CEP89: variants seen among roughly 807,000 people sequenced by gnomAD.
The protein encoded by CEP89 is centrosomal protein 89, also known as centrosomal protein of 89 kDa.
A neutral mutation model predicts 97.6 loss-of-function variants in CEP89; 95 were observed. The observed-to-expected ratio is 0.97, with a 90% CI of 0.82 to 1.15. The LOEUF (loss-of-function observed/expected upper bound fraction) is 1.15, where lower values mean the gene tolerates loss of function less well. Among genes scored for constraint, CEP89 ranks in the 50% most tolerant of loss-of-function variants. CEP89 has a pLI of 0.00. For missense variants in CEP89, 869 were observed against 947.7 expected (o/e 0.92, Z 1.09); for synonymous variants, 354 against 349.1 (o/e 1.01, Z -0.16).
intron 6 of CEP89, among the ~76,000 whole-genome samples, chr19:32,939,637 C>T (rs1268896320): frequency 1.3e-5 from 2 of 150,824 alleles, no homozygotes; most frequent in African/African-American, 4.9e-5. Context: ...GAGATTGCGC[C>T]ACTGCACTCC....
intron 2 of CEP89, 78 bp from the exon 3 acceptor site, chr19:32,960,136 T>G: frequency 6.7e-7 from 1 of 1,487,430 alleles, no homozygotes; most frequent in Non-Finnish European, 9.3e-7. Context: ...CATAAACTCA[T>G]CAAGGCTTAC....
rs1290110895 is a variant in CEP89, at chr19:32,933,472, C to G, written c.865G>C (p.Glu289Gln). 6.2e-7 allele frequency: 1 copy of G among 1,613,894 alleles called. No homozygotes were observed. The highest frequency in any genetic ancestry group is 8.5e-7 in the Non-Finnish European group (1 of 1,179,996). The change falls in exon 8 of 19, where the codon GAG becomes CAG. Residue 289 changes from glutamate to glutamine, a missense_variant. By Grantham distance (29) the Glu-to-Gln change is conservative (BLOSUM62 2). Transcript: ENST00000305768. ...CCACCTTCCTGTGACGACGCCTTCT[C>G]AGCCTCTTTGAGCTTTCTCTTCTCT... The part of the protein sequence containing the change: ...EKEKRKLKEA[E>Q]KASSQEVAAP...
intron 12 of CEP89, 29 bp downstream of exon 12, chr19:32,923,410 C>CAAAAA: frequency 8.7e-7 from 1 of 1,145,872 alleles, no homozygotes. Flanking sequence ...TTTAAATTAG[C>CAAAAA]AAAAGAGCAG....
At chr19:32,918,977 C>T (rs561711582) in intron 12 of CEP89, among the ~76,000 whole-genome samples, 8 of 150,470 alleles carry the variant, frequency 5.3e-5, no homozygotes, top group South Asian at 2.1e-4. Context: ...CTCTGCCTCC[C>T]GGGTTCACAT....
chr19:32,916,038 G>A (rs566147686), intron 13 of CEP89, among the ~76,000 whole-genome samples: 1 of 152,198 alleles, frequency 6.6e-6, no homozygotes, highest in South Asian at 2.1e-4. Flanking sequence ...CAGCCCTTTG[G>A]GAGGCTGAGG....
intron 14 of CEP89, among the ~76,000 whole-genome samples, chr19:32,912,202 CAAA>C (rs558318035): frequency 2.0e-5 from 2 of 98,316 alleles, no homozygotes; most frequent in Non-Finnish European, 2.1e-5. Context: ...GACTCTGTCT[CAAA>C]AAAAAAAAAA....
At chr19:32,945,118 C>T (rs1970768436) in intron 5 of CEP89, among the ~76,000 whole-genome samples, 1 of 152,020 alleles carries the variant, frequency 6.6e-6, no homozygotes, top group South Asian at 2.1e-4. Context: ...AACCCTGTCT[C>T]TACTAAAAAT....
chr19:32,956,478 C>T (rs765253508), intron 3 of CEP89, among the ~76,000 whole-genome samples: 4 of 151,774 alleles, frequency 2.6e-5, no homozygotes, highest in Non-Finnish European at 5.9e-5. Flanking sequence ...GATCCTCCTG[C>T]CTCAGCCTCC....
chr19:32,966,474 A>G lies in CEP89; in HGVS notation c.40-8T>C, dbSNP rs1238232032. 1.3e-6 allele frequency: 2 copies of G among 1,482,850 alleles called. No individual in the cohort carries two copies. The highest frequency in any genetic ancestry group is 1.8e-6 in the Non-Finnish European group (2 of 1,104,176). The allele number at this position is 1,482,850 out of a possible 1,614,324, so 91.9% of individuals were successfully genotyped here. A position where few individuals can be genotyped will look rare whatever the true frequency, so the allele number is the denominator to read the frequency against. On this transcript the variant is annotated splice_polypyrimidine_tract_variant and splice_region_variant and intron_variant, in intron 1 of 18. Transcript: ENST00000305768. ...GCCATGGATGATGTGTTTCTGCACA[A>G]ATGAAATCCAACAGAAGTCACTGGG...
intron 5 of CEP89, among the ~76,000 whole-genome samples, chr19:32,941,020 C>G (rs1273068529): frequency 1.3e-5 from 2 of 152,100 alleles, no homozygotes; most frequent in Non-Finnish European, 2.9e-5. Context: ...CTCGGCCTCC[C>G]AAGGTGCAGG....
chr19:32,881,910 A>G lies in CEP89; in HGVS notation c.2069T>C (p.Met690Thr). 2 of 1,606,024 alleles carry G rather than the reference A, an allele frequency of 1.2e-6. No individual in the cohort carries two copies. Among genetic ancestry groups the G allele is most frequent in the Middle Eastern group, 1.7e-4 (1 of 6,054 alleles). The change falls in exon 18 of 19, where the codon ATG (methionine) becomes ACG (threonine). Residue 690 changes from methionine to threonine, a missense_variant. Physicochemically the swap from Met to Thr is moderately conservative, Grantham distance 81. Transcript: ENST00000305768. ...AGKTAQYRQE[M>T]RHLHQVLKDK... The stretch of plus-strand genomic sequence containing the variant: ...CTTCAGCACCTGGTGCAGGTGCCGC[A>G]TCTCCTGCCGGTACTGGGCTGTCTT...
chr19:32,944,401 G>T (rs1349069957), intron 5 of CEP89, among the ~76,000 whole-genome samples: 1 of 152,036 alleles, frequency 6.6e-6, no homozygotes, highest in Non-Finnish European at 1.5e-5. Flanking sequence ...GGAGATGACG[G>T]GTGGATGCCC....
intron 13 of CEP89, among the ~76,000 whole-genome samples, chr19:32,917,121 C>T (rs952963769): frequency 2.0e-5 from 3 of 152,202 alleles, no homozygotes; most frequent in African/African-American, 4.8e-5. Flanking sequence ...TTCCCTGCCC[C>T]ATGTGACCAG....
chr19:32,879,175 G>T lies in CEP89; in HGVS notation c.2339C>A (p.Ala780Asp), dbSNP rs1213456682. 8.1e-6 allele frequency: 13 copies of T among 1,610,052 alleles called. No individual in the cohort carries two copies. The highest frequency in any genetic ancestry group is 3.4e-5 in the Admixed American group (2 of 59,626). The change falls in exon 19 of 19, where the codon GCC (alanine) becomes GAC (aspartate). Residue 780 changes from alanine to aspartate, a missense_variant. Coordinates refer to ENST00000305768, the MANE Select transcript of CEP89 (RefSeq NM_032816.5). Reference sequence around the variant, plus strand: ...CTCCCGCAGATTCTAGCAGGTGGGGGCATGAGACTTCAGGTCATAGGAGCA... The same window carrying T: ...CTCCCGCAGATTCTAGCAGGTGGGGTCATGAGACTTCAGGTCATAGGAGCA... ...DVCSYDLKSHAPTC is the reference protein window; with the variant it reads ...DVCSYDLKSHDPTC
intron 3 of CEP89, among the ~76,000 whole-genome samples, chr19:32,955,756 C>T (rs985225825): frequency 5.3e-5 from 8 of 152,120 alleles, no homozygotes; most frequent in Admixed American, 2.6e-4. Context: ...TCAAGTGATA[C>T]GCCCGCCTCA....
chr19:32,959,923 G>A lies in CEP89; in HGVS notation c.282C>T (p.Ala94=). Reference sequence around the variant, plus strand: ...ACCGAGGCCTCAGCTGTGAGGTGGTGGCATAGGGCTCGATGAAGCTGTCCT... The same window carrying A: ...ACCGAGGCCTCAGCTGTGAGGTGGTAGCATAGGGCTCGATGAAGCTGTCCT... ...VEQDSFIEPY[A]TTSQLRPRPN... is the part of the protein sequence containing the mutation. The change falls in exon 3 of 19, where the codon GCC becomes GCT. Residue 94 remains alanine (A), a synonymous_variant. Transcript: ENST00000305768. The A allele has an allele frequency of 6.2e-7, 1 of 1,614,200 alleles. No individual in the cohort carries two copies. Among genetic ancestry groups the A allele is most frequent in the Non-Finnish European group, 8.5e-7 (1 of 1,180,044 alleles).
chr19:32,954,124 C>T (rs1970997175), intron 3 of CEP89, among the ~76,000 whole-genome samples: 1 of 152,142 alleles, frequency 6.6e-6, no homozygotes, highest in Admixed American at 6.5e-5. Flanking sequence ...CCGCCCGCCT[C>T]GGCCTCCCAA....
rs369591029 is a variant in CEP89 at position 32,901,204 on chromosome 19, A to C, written c.1733+41T>G. The stretch of plus-strand genomic sequence containing the variant: ...CCCAGACCATTTGTCTTTTTTAACT[A>C]TTGAAAATAAAAGCAACTTAAAGGA... On this transcript the variant is annotated intron_variant, in intron 15 of 18. Transcript: ENST00000305768. 5.0e-6 allele frequency: 8 copies of C among 1,591,020 alleles called. No individual in the cohort carries two copies. In the African/African-American group the frequency reaches 9.5e-5, roughly 19 times the overall value.
At chr19:32,915,702 C>T (rs1462020636) in intron 13 of CEP89, among the ~76,000 whole-genome samples, 185 bp from the exon 14 acceptor site, 11 of 151,440 alleles carry the variant, frequency 7.3e-5, no homozygotes, top group Non-Finnish European at 1.2e-4. Context: ...GGGTGGATCA[C>T]GAGGTCAGGA....
Sources: gnomAD v4.1 joint callset for allele counts (sites outside exome capture counted in the v4.1 genomes callset) on GRCh38, gnomAD v4.1.1 for gene constraint, MANE v1.5 for transcripts, NCBI Gene and HGNC (gene_info 2026-07-23, HGNC 2026-07-21) for gene names.